UTRN: variants seen among roughly 807,000 people sequenced by gnomAD.
The protein encoded by UTRN is utrophin.
Under a neutral mutation model 463.9 loss-of-function variants are expected in UTRN, and 283 were observed. The observed-to-expected ratio is 0.61, with a 90% CI of 0.55 to 0.67. UTRN has a LOEUF of 0.67. UTRN is among the 30% of genes least tolerant of loss of function. UTRN has a pLI of 0.00. For synonymous variants in UTRN, 1,442 were observed against 1,431.5 expected (o/e 1.01, Z -0.17); for missense variants, 3,922 against 4,084.3 (o/e 0.96, Z 1.08).
At position 144,539,275 on chromosome 6, in the gene UTRN, T is replaced by G; in HGVS notation, c.6370-19T>G. 1.3e-6 allele frequency: 2 copies of G among 1,590,960 alleles called. No individual in the cohort carries two copies. Among genetic ancestry groups the G allele is most frequent in the Non-Finnish European group, 1.7e-6 (2 of 1,168,612 alleles). On this transcript the variant is annotated intron_variant, in intron 44 of 74. Transcript: ENST00000367545. ...TATCTGACTACCTTCTAACCACACCTATCTTTTAACTTCTCCAGGACTTAA... is the reference window on the plus strand; with the variant it reads ...TATCTGACTACCTTCTAACCACACCGATCTTTTAACTTCTCCAGGACTTAA...
At chr6:144,544,440 C>T (rs1165847908) in intron 46 of UTRN, among the ~76,000 whole-genome samples, 1 of 152,128 alleles carries the variant, frequency 6.6e-6, no homozygotes, top group Non-Finnish European at 1.5e-5. Flanking sequence ...CAGCCCCTGG[C>T]AACCACCGAT....
At chr6:144,404,019 G>T (rs888781639) in intron 3 of UTRN, among the ~76,000 whole-genome samples, 3 of 152,194 alleles carry the variant, frequency 2.0e-5, no homozygotes, top group African/African-American at 7.2e-5. Flanking sequence ...CTTTTCAAAA[G>T]TTGTAAAGGT....
Position 144,423,586 on chromosome 6 carries a change from A to T in UTRN, c.272A>T (p.Asn91Ile), listed in dbSNP as rs1785040956. 1 of 1,614,138 alleles carries T rather than the reference A, an allele frequency of 6.2e-7. No individual in the cohort carries two copies. Among genetic ancestry groups the T allele is most frequent in the Admixed American group, 1.7e-5 (1 of 60,014 alleles). ...ERGSTRVHAL[N>I]NVNRVLQVLH... ...GGTTCCACAAGGGTACATGCCTTAA[A>T]TAACGTCAACAGAGTGCTGCAGGTT... Residue 91 changes from asparagine to isoleucine, a missense_variant, in exon 5 of 75, where the codon AAT (asparagine) becomes ATT (isoleucine). Transcript: ENST00000367545.
chr6:144,316,928 A>G (rs891880276), intron 2 of UTRN, among the ~76,000 whole-genome samples: 1 of 152,234 alleles, frequency 6.6e-6, no homozygotes, highest in Admixed American at 6.5e-5. Flanking sequence ...AAAAATCAAC[A>G]ACAATGCAGA....
intron 51 of UTRN, among the ~76,000 whole-genome samples, chr6:144,665,831 A>G (rs1369336685): frequency 1.3e-5 from 2 of 152,178 alleles, no homozygotes; most frequent in African/African-American, 4.8e-5. Flanking sequence ...CTTCTACATT[A>G]TACTTACATT....
chr6:144,313,200 G>A (rs902833795), intron 2 of UTRN, among the ~76,000 whole-genome samples: 5 of 152,090 alleles, frequency 3.3e-5, no homozygotes, highest in Admixed American at 6.5e-5. Context: ...TTTAAAACGT[G>A]CATGGCCCTC....
chr6:144,688,395 T>G (rs2128690396), intron 52 of UTRN, among the ~76,000 whole-genome samples: 1 of 152,344 alleles, frequency 6.6e-6, no homozygotes, highest in East Asian at 1.9e-4. Flanking sequence ...TGATTTGGAT[T>G]TATTGCTGGA....
At chr6:144,832,234 C>T (rs1780732075) in intron 69 of UTRN, among the ~76,000 whole-genome samples, 1 of 152,142 alleles carries the variant, frequency 6.6e-6, no homozygotes, top group Non-Finnish European at 1.5e-5. Context: ...TTATATTCAA[C>T]ATTTAGACCT....
At position 144,578,565 on chromosome 6, in the gene UTRN, C is replaced by T. The variant is rs1482202962; in HGVS notation, c.7479+1277C>T. Among the ~76,000 whole-genome samples the T allele has an allele frequency of 3.3e-5, 5 of 152,170 alleles. No homozygotes were observed. In the East Asian group the frequency reaches 9.7e-4, roughly 29 times the overall value. ...GGCCAGGCTGGTCTCAAACTCTTGA[C>T]TTTAAGTGATCCACCTGCCTCGGTC... On this transcript the variant is annotated intron_variant, in intron 51 of 74. Coordinates refer to ENST00000367545, the MANE Select transcript of UTRN (RefSeq NM_007124.3).
In UTRN at chr6:144,852,854, C is replaced by T. The variant is rs1041829419; in HGVS notation, c.*1857C>T. ...TCTATCTGCTATTAAAGAAAAGCTA[C>T]GTAAAACACTACATTGTAACCTTCT... On this transcript the variant is annotated 3_prime_UTR_variant, in exon 75 of 75. Transcript: ENST00000367545. 2.6e-5 allele frequency: 4 copies of T among 152,420 alleles called. No homozygotes were observed. The highest frequency in any genetic ancestry group is 4.8e-5 in the African/African-American group (2 of 41,394). The allele number at this position is 152,420 out of a possible 1,614,324, so 9.4% of individuals were successfully genotyped here.
At chr6:144,580,325 A>G (rs554823136) in intron 51 of UTRN, among the ~76,000 whole-genome samples, 11 of 152,298 alleles carry the variant, frequency 7.2e-5, no homozygotes, top group South Asian at 2.1e-4. Flanking sequence ...TGTATGTAGA[A>G]CTACTTAGCT....
chr6:144,644,759 G>C (rs765083329), intron 51 of UTRN, among the ~76,000 whole-genome samples: 1 of 152,186 alleles, frequency 6.6e-6, no homozygotes, highest in Non-Finnish European at 1.5e-5. Context: ...AGAGTTGCCA[G>C]TACCAAAATG....
At chr6:144,637,304 C>T (rs1306471868) in intron 51 of UTRN, among the ~76,000 whole-genome samples, 11 of 152,258 alleles carry the variant, frequency 7.2e-5, no homozygotes, top group Middle Eastern at 3.4e-3. Context: ...TTGTGATGTT[C>T]AGAATCTAAT....
At chr6:144,428,627 T>C (rs1785514186) in intron 7 of UTRN, 151 bp from the exon 8 acceptor site, 1 of 498,120 alleles carries the variant, frequency 2.0e-6, no homozygotes. Context: ...ATTTCAAGTA[T>C]GTATTTGACA....
At chr6:144,567,585 C>T (rs1383672391) in intron 50 of UTRN, among the ~76,000 whole-genome samples, 1 of 152,130 alleles carries the variant, frequency 6.6e-6, no homozygotes. Context: ...TTCCCCACAG[C>T]ATGCTTTAAT....
At chr6:144,340,653 A>T (rs78963436) in intron 2 of UTRN, among the ~76,000 whole-genome samples, 9,777 of 152,228 alleles carry the variant, frequency 0.064, 1,053 homozygotes, top group African/African-American at 0.22. Flanking sequence ...TAGTGGTATG[A>T]ACAAAATTTG....
At chr6:144,308,414 C>G (rs57640093) in intron 2 of UTRN, among the ~76,000 whole-genome samples, 9,296 of 152,052 alleles carry the variant, frequency 0.061, 924 homozygotes, top group African/African-American at 0.21. Flanking sequence ...CTCCCACCCT[C>G]GGGTAGCTGG....
chr6:144,413,202 T>A lies in UTRN; in HGVS notation c.142-8676T>A, dbSNP rs569538778. Among the ~76,000 whole-genome samples the A allele has an allele frequency of 7.9e-5, 12 of 152,344 alleles. No homozygotes were observed. In the South Asian group the frequency reaches 2.5e-3, roughly 32 times the overall value. Reference sequence around the variant, plus strand: ...GTTTTACTCATTGATGGACCACATATATGATCGTGGTCCCAGAAGATGATA... The same window carrying A: ...GTTTTACTCATTGATGGACCACATAAATGATCGTGGTCCCAGAAGATGATA... On this transcript the variant is annotated intron_variant, in intron 3 of 74. Coordinates refer to ENST00000367545, the MANE Select transcript of UTRN (RefSeq NM_007124.3).
At chr6:144,472,340 C>T (rs930985912) in intron 23 of UTRN, among the ~76,000 whole-genome samples, 17 of 150,554 alleles carry the variant, frequency 1.1e-4, no homozygotes, top group African/African-American at 3.9e-4. Context: ...AGGAGGAAGC[C>T]TAGATTATTA....
Sources: allele counts gnomAD v4.1 joint callset (sites outside exome capture counted in the v4.1 genomes callset), GRCh38; gene constraint gnomAD v4.1.1; transcripts MANE v1.5; gene names NCBI Gene and HGNC (gene_info 2026-07-23, HGNC 2026-07-21).